Variants in PRKD1 observed in about 807,000 individuals in gnomAD.
PRKD1 encodes protein kinase D1, also known as serine/threonine-protein kinase D1.
Under a neutral mutation model 95.9 loss-of-function variants are expected in PRKD1, and 63 were observed. The observed-to-expected ratio is 0.66, with a 90% confidence interval of 0.54 to 0.81. PRKD1 has a LOEUF of 0.81. Among genes scored for constraint, PRKD1 ranks in the 30% least tolerant of loss-of-function variants. The pLI is 0.00. For missense variants in PRKD1, 1,048 were observed against 1,165.3 expected (o/e 0.90, Z 1.47); for synonymous variants, 425 against 423.1 (o/e 1.00, Z -0.05).
chr14:29,884,696 C>T (rs573484350), intron 1 of PRKD1, among the ~76,000 whole-genome samples: 1 of 152,240 alleles, frequency 6.6e-6, no homozygotes, highest in East Asian at 1.9e-4. Flanking sequence ...AAGACAGATG[C>T]TAGGATATTA....
At chr14:29,637,675 G>C (rs750595988) in intron 6 of PRKD1, among the ~76,000 whole-genome samples, 1 of 152,112 alleles carries the variant, frequency 6.6e-6, no homozygotes, top group Non-Finnish European at 1.5e-5. Flanking sequence ...CCAGAAACAA[G>C]TGTGACAATG....
At chr14:29,829,459 A>G (rs1397077062) in intron 1 of PRKD1, among the ~76,000 whole-genome samples, 1 of 152,190 alleles carries the variant, frequency 6.6e-6, no homozygotes, top group Non-Finnish European at 1.5e-5. Context: ...AGAGTGTCAC[A>G]GCGTGCTTTT....
At chr14:29,916,583 G>A (rs949255868) in intron 1 of PRKD1, among the ~76,000 whole-genome samples, 2 of 152,162 alleles carry the variant, frequency 1.3e-5, no homozygotes, top group African/African-American at 4.8e-5. Context: ...TAGTGTTACT[G>A]TTCTGAGGAT....
chr14:29,585,353 C>G (rs1892884428), intron 16 of PRKD1, among the ~76,000 whole-genome samples: 2 of 152,152 alleles, frequency 1.3e-5, no homozygotes, highest in Non-Finnish European at 2.9e-5. Context: ...AGTGCAAGAC[C>G]TTTAGAGACT....
At chr14:29,612,557 T>TA (rs1878541955) in intron 13 of PRKD1, among the ~76,000 whole-genome samples, 1 of 152,210 alleles carries the variant, frequency 6.6e-6, no homozygotes, top group Admixed American at 6.5e-5. Flanking sequence ...AGAGATTTAC[T>TA]AAAAAATGGA....
intron 2 of PRKD1, among the ~76,000 whole-genome samples, chr14:29,688,433 C>T (rs1044398666): frequency 1.4e-4 from 21 of 151,802 alleles, no homozygotes; most frequent in African/African-American, 4.4e-4. Context: ...TAGGTGGGGG[C>T]GGGAGTTTCT....
intron 1 of PRKD1, among the ~76,000 whole-genome samples, chr14:29,876,319 T>C (rs896094834): frequency 1.1e-4 from 16 of 152,144 alleles, no homozygotes; most frequent in African/African-American, 3.4e-4. Flanking sequence ...GAACAGGTCA[T>C]TGCCAACCAG....
At chr14:29,685,806 A>G (rs533907590) in intron 2 of PRKD1, among the ~76,000 whole-genome samples, 1 of 152,220 alleles carries the variant, frequency 6.6e-6, no homozygotes, top group Admixed American at 6.5e-5. Flanking sequence ...ACTCAAGTTC[A>G]GATGTTTATG....
At position 29,826,828 on chromosome 14, in the gene PRKD1, T is replaced by TACACAC. The variant is rs1382731692; in HGVS notation, c.264+100420_264+100421insGTGTGT. Among the ~76,000 whole-genome samples, 62 of 35,292 alleles carry TACACAC rather than the reference T, an allele frequency of 1.8e-3. 11 individuals are homozygous for TACACAC. The highest frequency in any genetic ancestry group is 4.0e-3 in the African/African-American group (39 of 9,812). 23.2% of individuals were successfully genotyped at this position (35,292 alleles called of 152,430 possible). On this transcript the variant is annotated intron_variant, in intron 1 of 17. Coordinates refer to ENST00000331968, the MANE Select transcript of PRKD1 (RefSeq NM_002742.3). ...ACATATATATACACATATATATATA[T>TACACAC]ATATATATATACACACATATATATA...
chr14:29,883,360 C>T (rs1004872778), intron 1 of PRKD1, among the ~76,000 whole-genome samples: 1 of 152,132 alleles, frequency 6.6e-6, no homozygotes, highest in Non-Finnish European at 1.5e-5. Flanking sequence ...TCTTTCAATA[C>T]AGAAAAATTT....
At chr14:29,883,906 A>G (rs1292064148) in intron 1 of PRKD1, among the ~76,000 whole-genome samples, 1 of 152,166 alleles carries the variant, frequency 6.6e-6, no homozygotes, top group East Asian at 1.9e-4. Context: ...GGTGGCTGAT[A>G]AGAGGATTTT....
At chr14:29,609,775 T>G in intron 13 of PRKD1, among the ~76,000 whole-genome samples, 1 of 148,944 alleles carries the variant, frequency 6.7e-6, no homozygotes, top group East Asian at 2.0e-4. Flanking sequence ...CCCAGGCTGG[T>G]CTCGAACTCC....
intron 16 of PRKD1, among the ~76,000 whole-genome samples, chr14:29,585,764 T>C (rs1892902250): frequency 6.6e-6 from 1 of 152,190 alleles, no homozygotes; most frequent in Non-Finnish European, 1.5e-5. Flanking sequence ...ATGCAGATTA[T>C]GTTTATTTTA....
At chr14:29,738,832 CTTTTTT>C (rs71443330) in intron 1 of PRKD1, among the ~76,000 whole-genome samples, 5 of 137,454 alleles carry the variant, frequency 3.6e-5, no homozygotes, top group Non-Finnish European at 1.6e-5. Context: ...TTTCTTTTTT[CTTTTTT>C]TTTTTTTGGA....
intron 1 of PRKD1, among the ~76,000 whole-genome samples, chr14:29,838,683 A>G (rs560495893): frequency 6.6e-6 from 1 of 152,298 alleles, no homozygotes; most frequent in East Asian, 1.9e-4. Flanking sequence ...ACAGGGATCT[A>G]TATATAAGAG....
In PRKD1 at chr14:29,927,463, G is replaced by T. The variant is rs1288341678; in HGVS notation, c.50C>A (p.Ala17Glu). 2 of 1,292,136 alleles carry T rather than the reference G, an allele frequency of 1.5e-6. No homozygotes were observed. The highest frequency in any genetic ancestry group is 1.6e-5 in the African/African-American group (1 of 63,244). 80.0% of individuals were successfully genotyped at this position (1,292,136 alleles called of 1,614,324 possible). A position where few individuals can be genotyped will look rare whatever the true frequency, so the allele number is the denominator to read the frequency against. ...LRPPSPLLPV[A>E]AAAAAAAAAL... ...GGCGGCCGCTGCGGCAGCTGCCGCC[G>T]CCACGGGCAGCAGCGGACTGGGCGG... The change falls in exon 1 of 18, where the codon GCG becomes GAG. Residue 17 changes from alanine (A) to glutamate (E), a missense_variant. By Grantham distance (107) the Ala-to-Glu change is moderately radical. Around this residue, in one of 3 missense-constraint regions of PRKD1, gnomAD observed 34 missense variants for 54.8 expected, o/e 0.62. Transcript: ENST00000331968.
intron 2 of PRKD1, among the ~76,000 whole-genome samples, chr14:29,672,091 C>T (rs1882880512): frequency 6.6e-6 from 1 of 152,056 alleles, no homozygotes; most frequent in South Asian, 2.1e-4. Context: ...GCCTGTAATC[C>T]CAGCACTTTG....
chr14:29,663,087 T>C (rs907037266), intron 4 of PRKD1, among the ~76,000 whole-genome samples: 1 of 145,434 alleles, frequency 6.9e-6, no homozygotes, highest in Non-Finnish European at 1.5e-5. Flanking sequence ...ATAAAATATA[T>C]ACTATATAAT....
At chr14:29,885,342 CAAT>C (rs1450326969) in intron 1 of PRKD1, among the ~76,000 whole-genome samples, 3 of 151,862 alleles carry the variant, frequency 2.0e-5, no homozygotes, top group Non-Finnish European at 4.4e-5. Context: ...GATGAGTTAC[CAAT>C]GGGTACTGCT....
Sources: allele counts gnomAD v4.1 joint callset (sites outside exome capture counted in the v4.1 genomes callset), GRCh38; gene constraint gnomAD v4.1.1; regional missense constraint gnomAD v4.1.1; transcripts MANE v1.5; gene names NCBI Gene and HGNC (gene_info 2026-07-23, HGNC 2026-07-21).